PHLPP1: variants seen among roughly 807,000 people sequenced by gnomAD.
PHLPP1 encodes the protein PH domain leucine-rich repeat-containing protein phosphatase 1.
Under a neutral mutation model 117.2 loss-of-function variants are expected in PHLPP1, and 42 were observed. That is an observed-to-expected ratio of 0.36 (90% confidence interval 0.28 to 0.46). PHLPP1 has a LOEUF of 0.46. Ranked by LOEUF, PHLPP1 falls within the 20% of genes least tolerant of loss-of-function variation. The pLI is 1.00. For synonymous variants in PHLPP1, 1,042 were observed against 970.7 expected, an observed-to-expected ratio of 1.07 and a Z score of -1.37; for missense variants, 2,084 against 2,241.9, an observed-to-expected ratio of 0.93 and a Z score of 1.42.
intron 1 of PHLPP1, among the ~76,000 whole-genome samples, chr18:62,740,267 TTC>T (rs1911485046): frequency 6.6e-6 from 1 of 152,234 alleles, no homozygotes; most frequent in African/African-American, 2.4e-5. Flanking sequence ...TTCTATTATA[TTC>T]TGTTTCCTTT....
intron 12 of PHLPP1, among the ~76,000 whole-genome samples, chr18:62,953,335 G>A (rs1910518506): frequency 6.6e-6 from 1 of 152,166 alleles, no homozygotes. Context: ...ACTGCTCATA[G>A]TGAGTTTCCT....
At chr18:62,722,779 A>T (rs1258554313) in intron 1 of PHLPP1, among the ~76,000 whole-genome samples, 1 of 152,176 alleles carries the variant, frequency 6.6e-6, no homozygotes, top group East Asian at 1.9e-4. Flanking sequence ...ATAAATTGAA[A>T]CTCAAGTACT....
At chr18:62,799,620 T>C (rs1913719606) in intron 1 of PHLPP1, among the ~76,000 whole-genome samples, 1 of 152,208 alleles carries the variant, frequency 6.6e-6, no homozygotes, top group African/African-American at 2.4e-5. Context: ...CGGATCTTCC[T>C]GCTGTATTTT....
At chr18:62,827,784 T>TA (rs1310052710) in intron 1 of PHLPP1, among the ~76,000 whole-genome samples, 1 of 152,242 alleles carries the variant, frequency 6.6e-6, no homozygotes, top group Non-Finnish European at 1.5e-5. Flanking sequence ...ACTCTTCTGT[T>TA]AAAGATCCCT....
chr18:62,844,498 C>T (rs936311424), intron 3 of PHLPP1, among the ~76,000 whole-genome samples: 1 of 151,928 alleles, frequency 6.6e-6, no homozygotes, highest in African/African-American at 2.4e-5. Flanking sequence ...GTGTAGTAAC[C>T]CCCACACACC....
In PHLPP1 at chr18:62,716,452, G is replaced by C. The variant is rs1481154311; in HGVS notation, c.769G>C (p.Ala257Pro). Reference sequence around the variant, plus strand: ...GGGCCAGGGGCCCGGAGCCGCCGCCGCCCGGGAGCCCGCTGAACCGCCCCC... The same window carrying C: ...GGGCCAGGGGCCCGGAGCCGCCGCCCCCCGGGAGCCCGCTGAACCGCCCCC... Reference protein sequence around the residue: ...VLGQGPGAAAAREPAEPPPEA... With the variant: ...VLGQGPGAAAPREPAEPPPEA... The change falls in exon 1 of 17, where the codon GCC (alanine) becomes CCC (proline). Residue 257 changes from alanine to proline, a missense_variant. By Grantham distance (27) the Ala-to-Pro change is conservative. Coordinates refer to ENST00000262719, the MANE Select transcript of PHLPP1 (RefSeq NM_194449.4). The surrounding 1 kb of genome is among the most constrained non-coding windows in gnomAD (Gnocchi z 5.7). 1.4e-5 allele frequency: 18 copies of C among 1,299,136 alleles called. No homozygotes were observed. The highest frequency in any genetic ancestry group is 1.7e-5 in the Non-Finnish European group (17 of 1,027,446). 80.5% of individuals were successfully genotyped at this position (1,299,136 alleles called of 1,614,324 possible).
intron 1 of PHLPP1, among the ~76,000 whole-genome samples, chr18:62,778,185 C>G (rs1158583960): frequency 6.6e-6 from 1 of 152,050 alleles, no homozygotes; most frequent in East Asian, 1.9e-4. Flanking sequence ...TAATGTATTA[C>G]CTTTGATATT....
intron 1 of PHLPP1, chr18:62,824,293 T>G: frequency 2.4e-6 from 1 of 411,772 alleles, no homozygotes; most frequent in Admixed American, 3.4e-5. Context: ...ACCAGTGTTC[T>G]CCATCAAAAT....
At chr18:62,913,688 G>A (rs1206885193) in intron 8 of PHLPP1, among the ~76,000 whole-genome samples, 1 of 148,734 alleles carries the variant, frequency 6.7e-6, no homozygotes, top group East Asian at 2.0e-4. Flanking sequence ...TCTAAGTAAT[G>A]ATCAATTCAT....
Position 62,716,192 on chromosome 18 carries a change from G to A in PHLPP1, c.509G>A (p.Arg170Gln), listed in dbSNP as rs1217810151. ...SCSASASLCT[R>Q]SLDRKTLLLK... ...TCGGCCTCGGCGTCGCTGTGCACCC[G>A]GAGCCTGGACAGGAAGACGCTGCTT... Residue 170 changes from arginine to glutamine, a missense_variant, in exon 1 of 17, where the codon CGG becomes CAG. By Grantham distance (43) the Arg-to-Gln change is conservative. Transcript: ENST00000262719. The surrounding 1 kb of genome is among the most constrained non-coding windows in gnomAD (Gnocchi z 5.7). The A allele has an allele frequency of 5.9e-6, 9 of 1,520,416 alleles. No homozygotes were observed. The East Asian group carries it at 1.5e-4, about 26-fold the overall frequency. The allele number at this position is 1,520,416 out of a possible 1,614,324, so 94.2% of individuals were successfully genotyped here. A position where few individuals can be genotyped will look rare whatever the true frequency, so the allele number is the denominator to read the frequency against.
At chr18:62,877,422 A>C (rs183135660) in intron 4 of PHLPP1, among the ~76,000 whole-genome samples, 1 of 152,354 alleles carries the variant, frequency 6.6e-6, no homozygotes, top group African/African-American at 2.4e-5. Flanking sequence ...GCTTCTTTGA[A>C]GACACTGCTG....
At chr18:62,958,558 TAGG>T in intron 12 of PHLPP1, 68 bp from the exon 13 acceptor site, 1 of 1,469,934 alleles carries the variant, frequency 6.8e-7, no homozygotes, top group Non-Finnish European at 9.5e-7. Flanking sequence ...ATGCAAAGAG[TAGG>T]AGTATAGAAT....
At chr18:62,772,830 C>CA (rs59776161) in intron 1 of PHLPP1, among the ~76,000 whole-genome samples, 2,879 of 60,706 alleles carry the variant, frequency 0.047, 68 homozygotes, top group Admixed American at 0.11. Context: ...GACTCTTTCT[C>CA]AAAAAAAAAA....
chr18:62,963,460 G>A lies in PHLPP1; in HGVS notation c.3548G>A (p.Gly1183Glu). The change falls in exon 14 of 17, where the codon GGG becomes GAG. Residue 1183 changes from glycine (G) to glutamate (E), a missense_variant. Gly to Glu is a moderately conservative substitution (Grantham distance 98). This residue lies in a region of PHLPP1 where 1,365 missense variants were observed against 1,605.9 expected (regional missense o/e 0.85). Coordinates refer to ENST00000262719, the MANE Select transcript of PHLPP1 (RefSeq NM_194449.4). ...AGTCATGGTTACACTGAAGCTTCGG[G>A]GGTAAAAAACAAGTAAGTCAGATGA... ...VWSHGYTEAS[G>E]VKNKLCVAAL... 1 of 1,609,876 alleles carries A rather than the reference G, an allele frequency of 6.2e-7. No individual in the cohort carries two copies. The highest frequency in any genetic ancestry group is 8.5e-7 in the Non-Finnish European group (1 of 1,177,488).
chr18:62,970,412 C>T (rs564872921), intron 14 of PHLPP1, among the ~76,000 whole-genome samples: 6 of 152,242 alleles, frequency 3.9e-5, no homozygotes, highest in African/African-American at 1.2e-4. Context: ...CCTCCCAATA[C>T]CCATTAGAAT....
chr18:62,949,038 T>C (rs768680973), intron 12 of PHLPP1, among the ~76,000 whole-genome samples: 1 of 152,204 alleles, frequency 6.6e-6, no homozygotes, highest in Non-Finnish European at 1.5e-5. Flanking sequence ...GGTGATATAT[T>C]CCAACCTGTA....
chr18:62,773,229 T>C (rs1190713726), intron 1 of PHLPP1, among the ~76,000 whole-genome samples: 1 of 152,206 alleles, frequency 6.6e-6, no homozygotes, highest in Non-Finnish European at 1.5e-5. Context: ...TTTTTTTCTT[T>C]TTAACATGTT....
chr18:62,928,345 T>C (rs1033812835), intron 10 of PHLPP1, among the ~76,000 whole-genome samples: 1 of 150,622 alleles, frequency 6.6e-6, no homozygotes, highest in Non-Finnish European at 1.5e-5. Flanking sequence ...GAATGAAAAA[T>C]ATGCTCACAG....
At position 62,766,076 on chromosome 18, in the gene PHLPP1, AATATATAT is replaced by A. The variant is rs60058262; in HGVS notation, c.1576+48837_1576+48844del. On this transcript the variant is annotated intron_variant, in intron 1 of 16. Coordinates refer to ENST00000262719, the MANE Select transcript of PHLPP1 (RefSeq NM_194449.4). ...ACTCCATCTCAAAAAAAAAAAAAAA[AATATATAT>A]ATATATATATATATATATAAAATAT... Among the ~76,000 whole-genome samples the A allele has an allele frequency of 4.6e-3, 100 of 21,660 alleles. 7 individuals carry two copies. Among genetic ancestry groups the A allele is most frequent in the South Asian group, 6.9e-3 (3 of 432 alleles). The allele number at this position is 21,660 out of a possible 152,430, so 14.2% of individuals were successfully genotyped here. A position where few individuals can be genotyped will look rare whatever the true frequency, so the allele number is the denominator to read the frequency against.
Sources: gnomAD v4.1 joint callset for allele counts (sites outside exome capture counted in the v4.1 genomes callset) on GRCh38, gnomAD v4.1.1 for gene constraint, gnomAD v4.1.1 regional missense constraint, Gnocchi (gnomAD v3.1) non-coding constraint, MANE v1.5 for transcripts, NCBI Gene and HGNC (gene_info 2026-07-23, HGNC 2026-07-21) for gene names.